Variants in PREX1 observed in about 807,000 individuals in gnomAD.
PREX1 encodes phosphatidylinositol-3,4,5-trisphosphate dependent Rac exchange factor 1.
Under a neutral mutation model 198.3 loss-of-function variants are expected in PREX1, and 41 were observed. That is an observed-to-expected ratio of 0.21 (90% CI 0.16 to 0.27). The LOEUF (loss-of-function observed/expected upper bound fraction) is 0.27. Ranked by LOEUF, PREX1 falls within the 10% of genes least tolerant of loss-of-function variation. PREX1 has a pLI of 1.00. For missense variants in PREX1, 1,620 were observed against 2,200.7 expected (o/e 0.74, Z 5.28); for synonymous variants, 843 against 887.2 (o/e 0.95, Z 0.89).
rs922345514 is a variant in PREX1 at position 48,649,639 on chromosome 20, C to T, written c.3029-63G>A. Reference sequence around the variant, plus strand: ...CCCCAGCATCCACTGGGCCTTTGGGCGGAACAATACAAACCCATTTCAAGG... The same window carrying T: ...CCCCAGCATCCACTGGGCCTTTGGGTGGAACAATACAAACCCATTTCAAGG... On this transcript the variant is annotated intron_variant, in intron 24 of 39. Transcript: ENST00000371941. 8.0e-6 allele frequency: 12 copies of T among 1,494,274 alleles called. No homozygotes were observed. The African/African-American group carries it at 8.4e-5, about 10-fold the overall frequency. 92.6% of individuals were successfully genotyped at this position (1,494,274 alleles called of 1,614,324 possible). A position where few individuals can be genotyped will look rare whatever the true frequency, so the allele number is the denominator to read the frequency against.
At chr20:48,698,300 C>T (rs1234579333) in intron 7 of PREX1, among the ~76,000 whole-genome samples, 1 of 152,186 alleles carries the variant, frequency 6.6e-6, no homozygotes, top group African/African-American at 2.4e-5. Context: ...GAGCCTGCAC[C>T]CGGAAGCCAA....
At chr20:48,814,584 C>T (rs184964933) in intron 1 of PREX1, among the ~76,000 whole-genome samples, 2 of 152,232 alleles carry the variant, frequency 1.3e-5, no homozygotes, top group African/African-American at 4.8e-5. Flanking sequence ...GGGGCCTGGA[C>T]AGAATGAACA....
chr20:48,797,766 T>C (rs747786), intron 1 of PREX1, among the ~76,000 whole-genome samples: 29,230 of 152,202 alleles, frequency 0.19, 3,128 homozygotes, highest in Admixed American at 0.24. Flanking sequence ...CTGTCCCGAC[T>C]TTCCCGGCCA....
At chr20:48,866,445 T>A in the PREX1 span, among the ~76,000 whole-genome samples, 1 of 152,068 alleles carries the variant, frequency 6.6e-6, no homozygotes, top group Non-Finnish European at 1.5e-5. Context: ...TGGAGCAGAA[T>A]GTGTGTTAAC....
At chr20:48,843,357 T>C in the PREX1 span, among the ~76,000 whole-genome samples, 1 of 152,302 alleles carries the variant, frequency 6.6e-6, no homozygotes, top group African/African-American at 2.4e-5. Flanking sequence ...TCACTATGAC[T>C]CTGAATGGCC....
chr20:48,654,299 G>A (rs2089525168), intron 19 of PREX1, among the ~76,000 whole-genome samples: 1 of 152,226 alleles, frequency 6.6e-6, no homozygotes, highest in Non-Finnish European at 1.5e-5. Flanking sequence ...AGGAATAGCA[G>A]CTGGTTTATT....
chr20:48,645,351 T>C (rs936740136), intron 26 of PREX1, among the ~76,000 whole-genome samples: 14 of 152,220 alleles, frequency 9.2e-5, no homozygotes, highest in African/African-American at 1.2e-4. Flanking sequence ...ATATGGCTTA[T>C]TACAGGAAAC....
At chr20:48,826,867 A>AT (rs985079668) in intron 1 of PREX1, among the ~76,000 whole-genome samples, 2 of 152,100 alleles carry the variant, frequency 1.3e-5, no homozygotes, top group African/African-American at 2.4e-5. Context: ...TCAAAAAAAA[A>AT]TTTTTTTAAT....
rs191291521 is a variant in PREX1, at chr20:48,745,177, C to T, written c.292-30G>A. 4,269 of 1,596,190 alleles carry T rather than the reference C, an allele frequency of 2.7e-3. 9 individuals are homozygous for T. The highest frequency in any genetic ancestry group is 3.3e-3 in the Non-Finnish European group (3,898 of 1,166,250). ...GAGGAAAAGAGAGGCCAGAGGACAGCGTTAAGGCTCAGAGGGAGAGCAAAG... is the reference window on the plus strand; with the variant it reads ...GAGGAAAAGAGAGGCCAGAGGACAGTGTTAAGGCTCAGAGGGAGAGCAAAG... On this transcript the variant is annotated intron_variant, in intron 2 of 39. Transcript: ENST00000371941.
Position 48,682,043 on chromosome 20 carries a change from T to C in PREX1, c.1335-708A>G, listed in dbSNP as rs2089754856. On this transcript the variant is annotated intron_variant, in intron 10 of 39. Coordinates refer to ENST00000371941, the MANE Select transcript of PREX1 (RefSeq NM_020820.4). ...CTACTCACAAAAAAAATCCCAACTC[T>C]TCCCACACGGACATAAACAAGGCCC... is the stretch of plus-strand genomic sequence containing the variant. Among the ~76,000 whole-genome samples, 4 of 152,202 alleles carry C rather than the reference T, an allele frequency of 2.6e-5. No homozygotes were observed. In the South Asian group the frequency reaches 8.3e-4, roughly 32 times the overall value.
intron 1 of PREX1, among the ~76,000 whole-genome samples, chr20:48,813,076 C>T (rs1400524100): frequency 6.6e-6 from 1 of 152,246 alleles, no homozygotes; most frequent in Non-Finnish European, 1.5e-5. Context: ...CAGCACTCAC[C>T]TACTCTACTC....
At chr20:48,850,293 G>A in the PREX1 span, among the ~76,000 whole-genome samples, 1 of 152,198 alleles carries the variant, frequency 6.6e-6, no homozygotes, top group South Asian at 2.1e-4. Flanking sequence ...GGGCCGAGGG[G>A]AGGAAACCCA....
chr20:48,674,171 C>G (rs2089694113), intron 14 of PREX1, among the ~76,000 whole-genome samples: 2 of 152,204 alleles, frequency 1.3e-5, no homozygotes, highest in East Asian at 3.8e-4. Flanking sequence ...TCAAGACCTC[C>G]CAGGACATAG....
At chr20:48,828,330 C>A (rs1056164045), upstream of PREX1, among the ~76,000 whole-genome samples, 6 of 151,992 alleles carry the variant, frequency 3.9e-5, no homozygotes, top group South Asian at 2.1e-4. Context: ...GCCCCCCCAA[C>A]CCGCAGTCAC....
At chr20:48,770,925 C>A (rs2090232467) in intron 1 of PREX1, among the ~76,000 whole-genome samples, 1 of 152,126 alleles carries the variant, frequency 6.6e-6, no homozygotes, top group Non-Finnish European at 1.5e-5. Context: ...GAGGGAGGAG[C>A]CTGGGCATCT....
intron 1 of PREX1, among the ~76,000 whole-genome samples, chr20:48,805,338 C>A (rs984337735): frequency 6.6e-6 from 1 of 152,218 alleles, no homozygotes; most frequent in Non-Finnish European, 1.5e-5. Context: ...GAAGGACAGG[C>A]GGGTGCAAGG....
chr20:48,641,870 GGAA>G (rs1217412578), intron 29 of PREX1, among the ~76,000 whole-genome samples: 38 of 128,858 alleles, frequency 2.9e-4, no homozygotes, highest in Non-Finnish European at 5.4e-4. Context: ...AAGGAAGGAA[GGAA>G]GGAAGGAAGG....
chr20:48,868,838 G>A, the PREX1 span, among the ~76,000 whole-genome samples: 2 of 151,904 alleles, frequency 1.3e-5, no homozygotes, highest in East Asian at 3.9e-4. Context: ...GTTTTACACC[G>A]TGCTTTTTAA....
intron 6 of PREX1, among the ~76,000 whole-genome samples, chr20:48,705,485 A>G (rs2089898686): frequency 6.6e-6 from 1 of 152,234 alleles, no homozygotes; most frequent in South Asian, 2.1e-4. Context: ...TTCAAGAGAG[A>G]GATGACAGCT....
Sources: gnomAD v4.1 joint callset for allele counts (sites outside exome capture counted in the v4.1 genomes callset) on GRCh38, gnomAD v4.1.1 for gene constraint, MANE v1.5 for transcripts, NCBI Gene and HGNC (gene_info 2026-07-23, HGNC 2026-07-21) for gene names.